FAM13C: variants seen among roughly 807,000 people sequenced by gnomAD.
FAM13C encodes family with sequence similarity 13 member C.
FAM13C carries 37 observed loss-of-function variants against 73.2 expected under a neutral mutation model. That is an observed-to-expected ratio of 0.51 (90% CI 0.39 to 0.67). FAM13C has a LOEUF of 0.67. FAM13C is among the 30% of genes least tolerant of loss of function. The probability of loss-of-function intolerance (pLI) is 0.00; values close to 1 mark genes in which losing one functional copy is unlikely to be tolerated. For synonymous variants in FAM13C, 246 were observed against 260.9 expected (o/e 0.94, Z 0.55); for missense variants, 589 against 715.6 (o/e 0.82, Z 2.02).
intron 11 of FAM13C, chr10:59,253,900 T>C (rs1841657834): frequency 1.3e-5 from 2 of 158,286 alleles, no homozygotes; most frequent in Admixed American, 1.3e-4. Flanking sequence ...ATAAATCTTC[T>C]CATATCTTGT....
At chr10:59,257,289 A>G (rs1842040221) in intron 10 of FAM13C, among the ~76,000 whole-genome samples, 4 of 152,314 alleles carry the variant, frequency 2.6e-5, no homozygotes, top group African/African-American at 9.6e-5. Context: ...AGGTCTGGAA[A>G]TAAACTGGCT....
chr10:59,311,718 C>T (rs1589561794), intron 4 of FAM13C, among the ~76,000 whole-genome samples: 2 of 152,200 alleles, frequency 1.3e-5, no homozygotes, highest in Non-Finnish European at 2.9e-5. Context: ...GAGCAGCCCG[C>T]AGCCGGAAGA....
chr10:59,319,254 G>C (rs1001362139), intron 4 of FAM13C, among the ~76,000 whole-genome samples: 1 of 152,132 alleles, frequency 6.6e-6, no homozygotes, highest in Non-Finnish European at 1.5e-5. Context: ...AAATAGTGGA[G>C]GCCATCCAAG....
rs904417030 is a variant in FAM13C, at chr10:59,271,951, C to A, written c.593-1842G>T. On this transcript the variant is annotated intron_variant, in intron 6 of 13. Coordinates refer to ENST00000618804, the MANE Select transcript of FAM13C (RefSeq NM_198215.4). ...GCCCCAGGGTCAAAACTAACAAGGT[C>A]TCTTACTGGTTGCTGTTTTATAATG... Among the ~76,000 whole-genome samples, 6 of 152,122 alleles carry A rather than the reference C, an allele frequency of 3.9e-5. No individual in the cohort carries two copies. In the South Asian group the frequency reaches 8.3e-4, roughly 21 times the overall value.
intron 5 of FAM13C, chr10:59,297,000 A>G (rs1390242255): frequency 6.6e-6 from 1 of 152,256 alleles, no homozygotes; most frequent in Non-Finnish European, 1.5e-5. Flanking sequence ...GAATAGAGTT[A>G]CAGTAATATT....
intron 4 of FAM13C, among the ~76,000 whole-genome samples, chr10:59,310,914 C>A (rs2133929653): frequency 6.6e-6 from 1 of 152,304 alleles, no homozygotes; most frequent in Middle Eastern, 3.4e-3. Flanking sequence ...AAGAAGCACT[C>A]TAGGGGATTC....
At chr10:59,274,576 G>A (rs921633478) in intron 6 of FAM13C, among the ~76,000 whole-genome samples, 5 of 152,156 alleles carry the variant, frequency 3.3e-5, no homozygotes, top group Non-Finnish European at 7.3e-5. Context: ...ACAGGGCTGG[G>A]CTTCATGACA....
intron 3 of FAM13C, among the ~76,000 whole-genome samples, chr10:59,328,476 T>C (rs1186310201): frequency 1.3e-5 from 2 of 151,860 alleles, no homozygotes; most frequent in Non-Finnish European, 2.9e-5. Flanking sequence ...TACAAATCCA[T>C]GGCCATCAAG....
intron 1 of FAM13C, among the ~76,000 whole-genome samples, chr10:59,358,825 T>C (rs1395272054): frequency 6.6e-6 from 1 of 152,196 alleles, no homozygotes; most frequent in Admixed American, 6.5e-5. Context: ...GTTGATCCAA[T>C]ATTCATGTCT....
chr10:59,335,289 C>T (rs543324487), intron 3 of FAM13C, among the ~76,000 whole-genome samples: 6 of 152,210 alleles, frequency 3.9e-5, no homozygotes, highest in South Asian at 2.1e-4. Context: ...GAATATTCTA[C>T]GTAAAGGTAA....
intron 2 of FAM13C, among the ~76,000 whole-genome samples, chr10:59,355,553 C>A (rs957780352): frequency 6.6e-6 from 1 of 152,166 alleles, no homozygotes; most frequent in Admixed American, 6.5e-5. Flanking sequence ...CAAGACCATA[C>A]TACAGACACT....
At chr10:59,299,546 G>A (rs1029146139) in intron 5 of FAM13C, among the ~76,000 whole-genome samples, 24 of 150,666 alleles carry the variant, frequency 1.6e-4, no homozygotes, top group African/African-American at 2.4e-4. Context: ...AGATTTATTC[G>A]TTTTCTTTAT....
chr10:59,318,777 G>C (rs903990535), intron 4 of FAM13C, among the ~76,000 whole-genome samples: 3 of 151,906 alleles, frequency 2.0e-5, no homozygotes, highest in African/African-American at 7.3e-5. Context: ...CGTATACCAG[G>C]GAGTCTCAAA....
intron 5 of FAM13C, among the ~76,000 whole-genome samples, chr10:59,299,487 C>G (rs1589512608): frequency 6.8e-6 from 1 of 147,544 alleles, no homozygotes; most frequent in South Asian, 2.1e-4. Context: ...GAGTTGGAAA[C>G]AGTAGTTTGA....
At position 59,271,056 on chromosome 10, in the gene FAM13C, G is replaced by A. The variant is rs1843667207; in HGVS notation, c.593-947C>T. 2.0e-5 allele frequency among the ~76,000 whole-genome samples: 3 copies of A among 152,090 alleles called. No homozygotes were observed. In the South Asian group the frequency reaches 6.2e-4, roughly 32 times the overall value. ...CAGATCATTAGGAAACTGAGTCAGG[G>A]GGCCAGAAGAAGGAGCTCTGCACCC... is the stretch of plus-strand genomic sequence containing the variant. On this transcript the variant is annotated intron_variant, in intron 6 of 13. Transcript: ENST00000618804.
chr10:59,336,046 G>A (rs1304664187), intron 3 of FAM13C, among the ~76,000 whole-genome samples: 3 of 152,084 alleles, frequency 2.0e-5, no homozygotes, highest in African/African-American at 7.2e-5. Flanking sequence ...TCAAACAATA[G>A]AAACAAACTC....
chr10:59,303,002 C>T, intron 4 of FAM13C, 138 bp from the exon 5 acceptor site: 2 of 695,048 alleles, frequency 2.9e-6, no homozygotes, highest in Non-Finnish European at 4.9e-6. Context: ...GAATAAAATA[C>T]AGACTCCTTA....
Position 59,254,405 on chromosome 10 carries a change from A to G in FAM13C, c.1275T>C (p.Tyr425=), listed in dbSNP as rs1371885619. The G allele has an allele frequency of 6.4e-7, 1 of 1,559,892 alleles. No homozygotes were observed. The highest frequency in any genetic ancestry group is 8.7e-7 in the Non-Finnish European group (1 of 1,152,132). The change falls in exon 11 of 14, where the codon TAT becomes TAC. Residue 425 remains tyrosine, a synonymous_variant. Coordinates refer to ENST00000618804, the MANE Select transcript of FAM13C (RefSeq NM_198215.4). ...TTTGCTTGATAATTCTGTATCGGTCATAAAGCGGCTTTATGAGGTTCTTGT... is the reference window on the plus strand; with the variant it reads ...TTTGCTTGATAATTCTGTATCGGTCGTAAAGCGGCTTTATGAGGTTCTTGT... ...KQDKNLIKPL[Y]DRYRIIKQIL...
intron 9 of FAM13C, 192 bp downstream of exon 9, chr10:59,263,893 G>A (rs1296665830): frequency 1.7e-6 from 1 of 574,950 alleles, no homozygotes; most frequent in East Asian, 2.9e-5. Context: ...TTCTTTGTAA[G>A]GAGGTTTATT....
Sources: allele counts gnomAD v4.1 joint callset (sites outside exome capture counted in the v4.1 genomes callset), GRCh38; gene constraint gnomAD v4.1.1; transcripts MANE v1.5; gene names NCBI Gene and HGNC (gene_info 2026-07-23, HGNC 2026-07-21).